KIDINS220: variants seen among roughly 807,000 people sequenced by gnomAD.
The protein encoded by KIDINS220 is kinase D-interacting substrate of 220 kDa.
KIDINS220 carries 63 observed loss-of-function variants against 157.6 expected under a neutral mutation model. That is an observed-to-expected ratio of 0.40 (90% CI 0.33 to 0.49). The LOEUF is 0.49. KIDINS220 is among the 20% of genes least tolerant of loss of function. KIDINS220 has a pLI of 0.66. For missense variants in KIDINS220, 1,772 were observed against 2,171.2 expected (o/e 0.82, Z 3.65); for synonymous variants, 732 against 783.6 (o/e 0.93, Z 1.10).
intron 17 of KIDINS220, among the ~76,000 whole-genome samples, chr2:8,783,019 G>T (rs1331916977): frequency 6.6e-6 from 1 of 152,000 alleles, no homozygotes; most frequent in Non-Finnish European, 1.5e-5. Flanking sequence ...TCAACACGGT[G>T]AAACTCCGTC....
downstream of KIDINS220, chr2:8,722,299 TG>T (rs527588006): frequency 9.2e-5 from 14 of 152,160 alleles, no homozygotes; most frequent in African/African-American, 1.4e-4. Flanking sequence ...AACTGGAAAG[TG>T]GTCAGCAGAG....
chr2:8,780,084 C>CT (rs779693683), intron 17 of KIDINS220, among the ~76,000 whole-genome samples: 1 of 152,214 alleles, frequency 6.6e-6, no homozygotes, highest in African/African-American at 2.4e-5. Flanking sequence ...GGTTGAGTGA[C>CT]TAACTTGCCA....
At chr2:8,819,721 A>G (rs975776879) in intron 2 of KIDINS220, among the ~76,000 whole-genome samples, 32 of 152,132 alleles carry the variant, frequency 2.1e-4, no homozygotes, top group Non-Finnish European at 7.4e-5. Context: ...GCTACCTGGG[A>G]GGCTGAGACA....
At chr2:8,797,911 A>G (rs1297680523) in intron 10 of KIDINS220, among the ~76,000 whole-genome samples, 2 of 152,238 alleles carry the variant, frequency 1.3e-5, no homozygotes, top group South Asian at 4.1e-4. Flanking sequence ...ATGTGTTCAG[A>G]TAACAGTGGC....
chr2:8,813,736 A>G (rs534806945), intron 4 of KIDINS220, among the ~76,000 whole-genome samples: 3 of 152,288 alleles, frequency 2.0e-5, no homozygotes, highest in South Asian at 4.1e-4. Flanking sequence ...AGCCTGGCCA[A>G]TATGGTGAAA....
chr2:8,760,581 A>C (rs1572538925), intron 22 of KIDINS220, among the ~76,000 whole-genome samples: 1 of 152,194 alleles, frequency 6.6e-6, no homozygotes, highest in East Asian at 1.9e-4. Flanking sequence ...CACCGGTAAC[A>C]TTTCTGTCTA....
At chr2:8,751,894 G>A (rs564322702) in intron 22 of KIDINS220, among the ~76,000 whole-genome samples, 14 of 152,110 alleles carry the variant, frequency 9.2e-5, no homozygotes, top group African/African-American at 2.2e-4. Flanking sequence ...TAGTAGAGAC[G>A]GGGTTTCACC....
intron 4 of KIDINS220, among the ~76,000 whole-genome samples, chr2:8,814,479 GGACA>G (rs1346401901): frequency 6.8e-6 from 1 of 147,642 alleles, no homozygotes; most frequent in African/African-American, 2.5e-5. Flanking sequence ...ATGGATGGAT[GGACA>G]GACAGATGAT....
At chr2:8,810,931 C>T (rs191534840) in intron 6 of KIDINS220, among the ~76,000 whole-genome samples, 13 of 152,296 alleles carry the variant, frequency 8.5e-5, no homozygotes, top group South Asian at 2.1e-4. Context: ...AGCCTCCCTA[C>T]GCTCCTCATT....
intron 2 of KIDINS220, among the ~76,000 whole-genome samples, chr2:8,819,598 C>A (rs185062746): frequency 8.5e-5 from 13 of 152,102 alleles, no homozygotes; most frequent in Non-Finnish European, 1.3e-4. Context: ...CCAAGGTGGA[C>A]GGATCACATG....
chr2:8,784,013 T>C (rs1405299644), intron 17 of KIDINS220, among the ~76,000 whole-genome samples: 1 of 151,932 alleles, frequency 6.6e-6, no homozygotes, highest in Non-Finnish European at 1.5e-5. Flanking sequence ...CTACCCAACT[T>C]CAAGAAAATA....
rs1239927281 is a variant in KIDINS220, at chr2:8,830,632, T to C, written c.-36-3503A>G. Among the ~76,000 whole-genome samples the C allele has an allele frequency of 2.0e-5, 3 of 152,224 alleles. No individual in the cohort carries two copies. The East Asian group carries it at 5.8e-4, about 29-fold the overall frequency. On this transcript the variant is annotated intron_variant, in intron 1 of 29. Transcript: ENST00000256707. ...TGAAGTTTCACCATGTTGCCCAGGC[T>C]GGTCTCAAACTCCTGGGCTCAAGTG...
intron 21 of KIDINS220, among the ~76,000 whole-genome samples, chr2:8,775,453 C>CG: frequency 6.6e-6 from 1 of 152,238 alleles, no homozygotes; most frequent in Middle Eastern, 3.4e-3. Context: ...GAAATCCAGT[C>CG]GGTGTGGCAT....
At chr2:8,782,529 A>T (rs896822786) in intron 17 of KIDINS220, among the ~76,000 whole-genome samples, 1 of 152,244 alleles carries the variant, frequency 6.6e-6, no homozygotes, top group African/African-American at 2.4e-5. Context: ...AATTGCATCA[A>T]TAATAATTTT....
At chr2:8,737,770 T>C (rs1023095888) in intron 26 of KIDINS220, among the ~76,000 whole-genome samples, 6 of 152,156 alleles carry the variant, frequency 3.9e-5, no homozygotes, top group Non-Finnish European at 5.9e-5. Context: ...GATGTGCTCA[T>C]TGTGGTTTAG....
chr2:8,835,096 GC>G (rs1680215446), intron 1 of KIDINS220, among the ~76,000 whole-genome samples: 1 of 152,134 alleles, frequency 6.6e-6, no homozygotes, highest in African/African-American at 2.4e-5. Flanking sequence ...TGATCCTCCT[GC>G]CTTAGCCTCC....
chr2:8,762,421 A>G (rs1413043272), intron 22 of KIDINS220, among the ~76,000 whole-genome samples: 2 of 152,184 alleles, frequency 1.3e-5, no homozygotes, highest in African/African-American at 4.8e-5. Context: ...GTCTGAGAAA[A>G]TACATTCAAA....
intron 9 of KIDINS220, among the ~76,000 whole-genome samples, chr2:8,798,608 C>T (rs898172747): frequency 2.0e-5 from 3 of 152,204 alleles, no homozygotes; most frequent in Non-Finnish European, 4.4e-5. Context: ...ACCCTGTAAA[C>T]TCAGACATGT....
chr2:8,787,105 A>G (rs192093509), intron 15 of KIDINS220, among the ~76,000 whole-genome samples: 1,994 of 147,564 alleles, frequency 0.014, 23 homozygotes, highest in Middle Eastern at 0.043. Context: ...GTTCTAACTG[A>G]AAAAAAAAAA....
Sources: gnomAD v4.1 joint callset for allele counts (sites outside exome capture counted in the v4.1 genomes callset) on GRCh38, gnomAD v4.1.1 for gene constraint, MANE v1.5 for transcripts, NCBI Gene and HGNC (gene_info 2026-07-23, HGNC 2026-07-21) for gene names.